Variants in NFIA observed in about 807,000 individuals in gnomAD.
The protein encoded by NFIA is nuclear factor 1 A-type.
NFIA carries 8 observed loss-of-function variants against 62.8 expected under a neutral mutation model. The observed-to-expected ratio is 0.13, with a 90% CI of 0.07 to 0.23. The LOEUF (loss-of-function observed/expected upper bound fraction) is 0.23. NFIA is among the 10% of genes least tolerant of loss of function. The pLI is 1.00. For missense variants in NFIA, 410 were observed against 642.1 expected, an observed-to-expected ratio of 0.64 and a Z score of 3.91; for synonymous variants, 235 against 238.1, an observed-to-expected ratio of 0.99 and a Z score of 0.12.
chr1:61,228,513 A>G (rs1570416947), intron 2 of NFIA, among the ~76,000 whole-genome samples: 2 of 152,368 alleles, frequency 1.3e-5, no homozygotes, highest in South Asian at 4.1e-4. Context: ...GGCTCAAATA[A>G]TAATGGCCAA....
intron 6 of NFIA, among the ~76,000 whole-genome samples, chr1:61,365,904 T>C (rs977244637): frequency 2.6e-5 from 4 of 152,056 alleles, no homozygotes; most frequent in Non-Finnish European, 4.4e-5. Flanking sequence ...CAGCTGAGGG[T>C]AGTTGAAAGC....
At chr1:61,141,012 T>C (rs2100505786) in intron 2 of NFIA, among the ~76,000 whole-genome samples, 1 of 133,836 alleles carries the variant, frequency 7.5e-6, no homozygotes, top group Middle Eastern at 4.7e-3. Flanking sequence ...CACAGAATGC[T>C]AAGAGGAACG....
intron 2 of NFIA, among the ~76,000 whole-genome samples, chr1:61,136,819 G>A (rs913413245): frequency 6.6e-6 from 1 of 151,938 alleles, no homozygotes; most frequent in Admixed American, 6.6e-5. Flanking sequence ...TTTTTTCGGT[G>A]CACATTACTT....
At chr1:61,364,211 G>A (rs1344662763) in intron 6 of NFIA, among the ~76,000 whole-genome samples, 1 of 152,166 alleles carries the variant, frequency 6.6e-6, no homozygotes, top group African/African-American at 2.4e-5. Flanking sequence ...CTCCCAAAGT[G>A]CTGGGATTAC....
At chr1:61,129,261 A>C (rs1647032386) in intron 2 of NFIA, among the ~76,000 whole-genome samples, 1 of 151,680 alleles carries the variant, frequency 6.6e-6, no homozygotes, top group Non-Finnish European at 1.5e-5. Flanking sequence ...ATGTTAAAAG[A>C]TGACAGGTAA....
intron 7 of NFIA, among the ~76,000 whole-genome samples, chr1:61,390,878 A>C (rs1247584325): frequency 6.6e-6 from 1 of 152,254 alleles, no homozygotes; most frequent in East Asian, 1.9e-4. Context: ...TAAATGAATG[A>C]ATGAATGCAT....
At chr1:61,455,226 T>C in intron 10 of NFIA, 77 bp from the exon 11 acceptor site, 1 of 1,509,374 alleles carries the variant, frequency 6.6e-7, no homozygotes, top group Non-Finnish European at 9.2e-7. Flanking sequence ...CCTGATTTCG[T>C]GGTTGAAAAG....
intron 3 of NFIA, among the ~76,000 whole-genome samples, chr1:61,306,423 A>C (rs900989426): frequency 6.6e-6 from 1 of 151,538 alleles, no homozygotes; most frequent in Non-Finnish European, 1.5e-5. Flanking sequence ...CTACAGGCGC[A>C]CACCACCATG....
intron 3 of NFIA, among the ~76,000 whole-genome samples, chr1:61,309,208 T>A (rs146373456): frequency 6.6e-4 from 101 of 152,218 alleles, no homozygotes; most frequent in African/African-American, 2.4e-3. Context: ...CAAACATCTC[T>A]ATAGAGGGGA....
At chr1:61,233,812 C>G (rs999137166) in intron 2 of NFIA, among the ~76,000 whole-genome samples, 1 of 152,190 alleles carries the variant, frequency 6.6e-6, no homozygotes, top group Non-Finnish European at 1.5e-5. Context: ...CCAGCAGCCT[C>G]CTGGAGATAG....
chr1:61,392,326 G>A (rs1007655772), intron 7 of NFIA, among the ~76,000 whole-genome samples: 1 of 152,024 alleles, frequency 6.6e-6, no homozygotes, highest in Non-Finnish European at 1.5e-5. Context: ...GAAAAAAAGA[G>A]TGCCAGCAAA....
chr1:61,112,792 A>G (rs141685055), intron 2 of NFIA, among the ~76,000 whole-genome samples: 22 of 152,280 alleles, frequency 1.4e-4, no homozygotes, highest in African/African-American at 5.3e-4. Context: ...AGTCTGCTGC[A>G]CTTTCTTTTG....
At position 61,455,556 on chromosome 1, in the gene NFIA, C is replaced by T. The variant is rs1668265096; in HGVS notation, c.*236C>T. The T allele has an allele frequency of 3.4e-6, 2 of 584,620 alleles. No homozygotes were observed. Among genetic ancestry groups the T allele is most frequent in the Non-Finnish European group, 5.9e-6 (2 of 340,198 alleles). The allele number at this position is 584,620 out of a possible 1,614,324, so 36.2% of individuals were successfully genotyped here. A position where few individuals can be genotyped will look rare whatever the true frequency, so the allele number is the denominator to read the frequency against. On this transcript the variant is annotated 3_prime_UTR_variant, in exon 11 of 11. Transcript: ENST00000403491. ...TACTTTAGGGACTGTTGTAATTTCTCATATGGTGCTGGAAATGGTTGGGCT... is the reference window on the plus strand; with the variant it reads ...TACTTTAGGGACTGTTGTAATTTCTTATATGGTGCTGGAAATGGTTGGGCT...
intron 2 of NFIA, among the ~76,000 whole-genome samples, chr1:61,145,978 C>T (rs1647903018): frequency 6.6e-6 from 1 of 152,150 alleles, no homozygotes; most frequent in African/African-American, 2.4e-5. Context: ...TTTACAGTAA[C>T]ACAGATCTAT....
intron 3 of NFIA, among the ~76,000 whole-genome samples, chr1:61,281,350 C>T (rs1054770884): frequency 3.9e-5 from 6 of 152,126 alleles, no homozygotes; most frequent in African/African-American, 1.2e-4. Flanking sequence ...AGTAAGGACT[C>T]AAAGGAAGGT....
chr1:61,454,862 G>A (rs1382778870), intron 10 of NFIA, among the ~76,000 whole-genome samples: 1 of 152,112 alleles, frequency 6.6e-6, no homozygotes, highest in Non-Finnish European at 1.5e-5. Context: ...GCCATTCATT[G>A]CCACATGAAA....
intron 2 of NFIA, among the ~76,000 whole-genome samples, chr1:61,209,409 T>G (rs1344783593): frequency 6.6e-6 from 1 of 152,170 alleles, no homozygotes; most frequent in African/African-American, 2.4e-5. Context: ...AATTTATTTT[T>G]CCATATAATC....
intron 7 of NFIA, among the ~76,000 whole-genome samples, chr1:61,386,808 A>C (rs1350576988): frequency 6.6e-6 from 1 of 152,216 alleles, no homozygotes; most frequent in African/African-American, 2.4e-5. Context: ...CCAGAACAGA[A>C]CACCATAGAC....
chr1:61,307,883 C>A (rs528341809), intron 3 of NFIA, among the ~76,000 whole-genome samples: 19 of 152,280 alleles, frequency 1.2e-4, no homozygotes, highest in African/African-American at 4.6e-4. Flanking sequence ...TACAGGCTGT[C>A]TTGTCTTCCT....
Sources: allele counts gnomAD v4.1 joint callset (sites outside exome capture counted in the v4.1 genomes callset), GRCh38; gene constraint gnomAD v4.1.1; transcripts MANE v1.5; gene names NCBI Gene and HGNC (gene_info 2026-07-23, HGNC 2026-07-21).